The following EHBP1 variants were observed in gnomAD, a reference collection of about 807,000 sequenced individuals.
EHBP1 encodes EH domain-binding protein 1.
EHBP1 carries 55 observed loss-of-function variants against 144.0 expected under a neutral mutation model. The ratio of observed to expected loss-of-function variants is 0.38; its 90% CI spans 0.31 to 0.48. The LOEUF (loss-of-function observed/expected upper bound fraction) is 0.48. EHBP1 is among the 20% of genes least tolerant of loss of function. The probability of loss-of-function intolerance (pLI) is 0.98; values close to 1 mark genes in which losing one functional copy is unlikely to be tolerated. For synonymous variants in EHBP1, 469 were observed against 472.7 expected (o/e 0.99, Z 0.10); for missense variants, 1,200 against 1,364.2 (o/e 0.88, Z 1.90).
At chr2:62,860,528 C>T (rs1445295047) in intron 8 of EHBP1, among the ~76,000 whole-genome samples, 1 of 152,020 alleles carries the variant, frequency 6.6e-6, no homozygotes, top group East Asian at 1.9e-4. Flanking sequence ...ATCATAGAGG[C>T]AGTCAACTAC....
chr2:63,015,703 A>G (rs953798167), intron 19 of EHBP1, among the ~76,000 whole-genome samples: 2 of 152,186 alleles, frequency 1.3e-5, no homozygotes, highest in African/African-American at 4.8e-5. Context: ...TTATAATGAG[A>G]AAAGAGACCA....
At chr2:62,963,058 T>G (rs2058074607) in intron 14 of EHBP1, among the ~76,000 whole-genome samples, 1 of 152,180 alleles carries the variant, frequency 6.6e-6, no homozygotes, top group Admixed American at 6.5e-5. Context: ...AAGGAACGTT[T>G]GAATCCTCTA....
chr2:62,791,662 A>T (rs2043175895), intron 5 of EHBP1, among the ~76,000 whole-genome samples: 1 of 152,024 alleles, frequency 6.6e-6, no homozygotes, highest in Admixed American at 6.6e-5. Context: ...TTAGGTAACA[A>T]AGTTTGATTA....
intron 19 of EHBP1, among the ~76,000 whole-genome samples, chr2:63,021,211 C>T (rs1285858202): frequency 1.3e-5 from 2 of 151,894 alleles, no homozygotes; most frequent in Non-Finnish European, 2.9e-5. Context: ...TCACATACAC[C>T]CACTTATACT....
intron 9 of EHBP1, among the ~76,000 whole-genome samples, chr2:62,869,152 G>C (rs1415638638): frequency 6.6e-6 from 1 of 152,028 alleles, no homozygotes; most frequent in Non-Finnish European, 1.5e-5. Flanking sequence ...ACTATACCAA[G>C]TATTGTCAAG....
chr2:62,932,363 T>C (rs1246361593), intron 10 of EHBP1, among the ~76,000 whole-genome samples: 1 of 152,128 alleles, frequency 6.6e-6, no homozygotes, highest in Non-Finnish European at 1.5e-5. Flanking sequence ...AAATGTGGTA[T>C]ATATCTGCAG....
intron 7 of EHBP1, among the ~76,000 whole-genome samples, chr2:62,854,270 G>A (rs956062437): frequency 4.6e-5 from 7 of 152,196 alleles, no homozygotes; most frequent in African/African-American, 9.7e-5. Flanking sequence ...CTCTGCATCA[G>A]CAATAAGGCT....
chr2:62,780,153 T>TTGA (rs1268336885), intron 5 of EHBP1, among the ~76,000 whole-genome samples: 1 of 152,082 alleles, frequency 6.6e-6, no homozygotes, highest in Non-Finnish European at 1.5e-5. Context: ...CAATATTATC[T>TTGA]TGATTCTTAA....
chr2:62,691,079 A>C (rs2033888779), intron 1 of EHBP1, among the ~76,000 whole-genome samples: 1 of 152,222 alleles, frequency 6.6e-6, no homozygotes, highest in South Asian at 2.1e-4. Context: ...GAAAGAGTGA[A>C]CTTGCCTCCA....
chr2:62,775,027 A>G (rs534538560), intron 5 of EHBP1, among the ~76,000 whole-genome samples: 185 of 152,310 alleles, frequency 1.2e-3, no homozygotes, highest in Middle Eastern at 0.01. Context: ...TAAATGCTCT[A>G]TGGAGAAAAA....
chr2:62,918,977 A>T (rs1419078089), intron 10 of EHBP1, among the ~76,000 whole-genome samples: 3 of 152,076 alleles, frequency 2.0e-5, no homozygotes, highest in Non-Finnish European at 4.4e-5. Context: ...TAGTAATTGT[A>T]GTCAATTTTG....
intron 8 of EHBP1, among the ~76,000 whole-genome samples, chr2:62,859,565 G>A (rs1426507198): frequency 1.3e-5 from 2 of 152,176 alleles, no homozygotes; most frequent in Middle Eastern, 3.2e-3. Context: ...CAGAATGTGG[G>A]ATATACTGAT....
At chr2:62,974,588 C>T (rs1402253235) in intron 14 of EHBP1, among the ~76,000 whole-genome samples, 6 of 152,066 alleles carry the variant, frequency 3.9e-5, no homozygotes, top group Non-Finnish European at 8.8e-5. Context: ...TTGTTGTTTT[C>T]TTGCTGTGTC....
At chr2:62,957,733 C>A (rs1356668808) in intron 14 of EHBP1, among the ~76,000 whole-genome samples, 1 of 137,280 alleles carries the variant, frequency 7.3e-6, no homozygotes, top group Non-Finnish European at 1.5e-5. Context: ...GCAAGCTTCG[C>A]CTCCCGGGTT....
intron 1 of EHBP1, among the ~76,000 whole-genome samples, chr2:62,697,815 G>C (rs1208341060): frequency 6.6e-6 from 1 of 152,184 alleles, no homozygotes; most frequent in African/African-American, 2.4e-5. Context: ...TCAACTGAAA[G>C]TTAATAAGAT....
chr2:62,921,028 G>T (rs1247980623), intron 10 of EHBP1, among the ~76,000 whole-genome samples: 2 of 152,158 alleles, frequency 1.3e-5, no homozygotes, highest in Non-Finnish European at 2.9e-5. Context: ...AGTGTGTAAA[G>T]ATGTAATTTT....
intron 2 of EHBP1, among the ~76,000 whole-genome samples, chr2:62,745,263 G>C (rs1302496869): frequency 6.6e-6 from 1 of 152,078 alleles, no homozygotes; most frequent in East Asian, 1.9e-4. Context: ...GCAGTCTAGT[G>C]TGAGAGACAG....
intron 4 of EHBP1, among the ~76,000 whole-genome samples, chr2:62,769,662 A>T (rs1270224525): frequency 6.6e-6 from 1 of 152,156 alleles, no homozygotes; most frequent in East Asian, 1.9e-4. Flanking sequence ...AAACTTTTTA[A>T]AAATTCATAT....
At chr2:62,707,329 T>C in intron 2 of EHBP1, 34 bp downstream of exon 2, 1 of 1,524,196 alleles carries the variant, frequency 6.6e-7, no homozygotes, top group Non-Finnish European at 9.1e-7. Flanking sequence ...TTTGCTGTGC[T>C]GTGGCCTAAG....
Sources: gnomAD v4.1 joint callset for allele counts (sites outside exome capture counted in the v4.1 genomes callset) on GRCh38, gnomAD v4.1.1 for gene constraint, MANE v1.5 for transcripts, NCBI Gene and HGNC (gene_info 2026-07-23, HGNC 2026-07-21) for gene names.